Variants in ASH1L observed in about 807,000 individuals in gnomAD.
The protein encoded by ASH1L is histone-lysine N-methyltransferase ASH1L.
A neutral mutation model predicts 269.0 loss-of-function variants in ASH1L; 23 were observed. The observed-to-expected ratio is 0.09, with a 90% CI of 0.06 to 0.12. The LOEUF is 0.12. Among genes scored for constraint, ASH1L ranks in the 10% least tolerant of loss-of-function variants. The probability of loss-of-function intolerance (pLI) is 1.00; values close to 1 mark genes in which losing one functional copy is unlikely to be tolerated. For synonymous variants in ASH1L, 1,187 were observed against 1,253.5 expected (o/e 0.95, Z 1.12); for missense variants, 2,912 against 3,567.8 (o/e 0.82, Z 4.68).
Position 155,445,340 on chromosome 1 carries a change from T to C in ASH1L, c.5087-6272A>G, listed in dbSNP as rs1662926940. Among the ~76,000 whole-genome samples, 4 of 152,042 alleles carry C rather than the reference T, an allele frequency of 2.6e-5. 1 individual carries two copies. The South Asian group carries it at 8.3e-4, about 32-fold the overall frequency. On this transcript the variant is annotated intron_variant, in intron 4 of 27. Transcript: ENST00000392403. ...CTGGGATTACATGCACCCACCACCA[T>C]GCCCAGCTAATGTTTTGTATTTTTA...
intron 5 of ASH1L, among the ~76,000 whole-genome samples, chr1:155,423,336 G>A (rs991961639): frequency 6.6e-6 from 1 of 151,246 alleles, no homozygotes; most frequent in Non-Finnish European, 1.5e-5. Context: ...ATCCCAGCAC[G>A]TTGGGAGGCC....
At chr1:155,393,330 ATTAG>A (rs1558059121) in intron 7 of ASH1L, among the ~76,000 whole-genome samples, 1 of 152,168 alleles carries the variant, frequency 6.6e-6, no homozygotes, top group Non-Finnish European at 1.5e-5. Context: ...AGAAAAGGAG[ATTAG>A]TTAATCAGAA....
chr1:155,474,211 T>C (rs1226083990), intron 3 of ASH1L, among the ~76,000 whole-genome samples: 2 of 152,172 alleles, frequency 1.3e-5, no homozygotes, highest in African/African-American at 4.8e-5. Flanking sequence ...CACAGGTTTT[T>C]GAGAGTCTGT....
chr1:155,383,329 C>T (rs548645565), intron 7 of ASH1L, among the ~76,000 whole-genome samples: 56 of 152,292 alleles, frequency 3.7e-4, no homozygotes, highest in African/African-American at 1.3e-3. Flanking sequence ...ATTCACTCTC[C>T]ACTCAATCAC....
rs1385570264 is a variant in ASH1L, at chr1:155,521,369, T to C, written c.151A>G (p.Lys51Glu). ...TCGATGTTTCTTTCTCGATTCCGTT[T>C]GCGAAGGTCCTCTTCCTCCTTTGTG... ...KNTKEEEDLR[K>E]RNRERNIEAG... is the part of the protein sequence containing the mutation. Residue 51 changes from lysine (K) to glutamate (E), a missense_variant, in exon 2 of 28, where the codon AAA becomes GAA. Physicochemically the swap from Lys to Glu is moderately conservative, Grantham distance 56. Around this residue, in one of 13 missense-constraint regions of ASH1L, gnomAD observed 115 missense variants for 101.5 expected, o/e 1.13. Coordinates refer to ENST00000392403, the MANE Select transcript of ASH1L (RefSeq NM_018489.3). The C allele has an allele frequency of 1.2e-6, 2 of 1,614,210 alleles. No individual in the cohort carries two copies. Among genetic ancestry groups the C allele is most frequent in the Non-Finnish European group, 1.7e-6 (2 of 1,180,040 alleles).
chr1:155,458,031 G>T (rs1011010576), intron 4 of ASH1L, among the ~76,000 whole-genome samples: 1 of 152,082 alleles, frequency 6.6e-6, no homozygotes, highest in Non-Finnish European at 1.5e-5. Flanking sequence ...TAGCTTGAGG[G>T]CTACACAAAA....
At chr1:155,411,586 A>ATATTATATATAT (rs1558075618) in intron 6 of ASH1L, among the ~76,000 whole-genome samples, 1 of 55,192 alleles carries the variant, frequency 1.8e-5, no homozygotes, top group Non-Finnish European at 3.2e-5. Context: ...TAAATAAATA[A>ATATTATATATAT]ATATATATAT....
intron 7 of ASH1L, among the ~76,000 whole-genome samples, chr1:155,390,706 C>T (rs186660910): frequency 7.4e-4 from 102 of 138,084 alleles, no homozygotes; most frequent in Non-Finnish European, 1.2e-3. Flanking sequence ...AGTGCAGTGG[C>T]GTGATCTCGG....
At chr1:155,383,365 C>T (rs1200495454) in intron 7 of ASH1L, among the ~76,000 whole-genome samples, 2 of 152,178 alleles carry the variant, frequency 1.3e-5, no homozygotes, top group Admixed American at 1.3e-4. Flanking sequence ...AACTTACAAT[C>T]CTGTAAGCTC....
chr1:155,475,650 A>G (rs1665482215), intron 3 of ASH1L, among the ~76,000 whole-genome samples: 1 of 152,218 alleles, frequency 6.6e-6, no homozygotes, highest in Non-Finnish European at 1.5e-5. Context: ...ATGAGGTCAG[A>G]TATCAGGCAT....
At chr1:155,513,787 G>A (rs1414496528) in intron 2 of ASH1L, among the ~76,000 whole-genome samples, 1 of 152,090 alleles carries the variant, frequency 6.6e-6, no homozygotes. Flanking sequence ...GCCATCCATA[G>A]ATGGACTAGA....
intron 24 of ASH1L, among the ~76,000 whole-genome samples, chr1:155,342,571 T>C (rs1311227059): frequency 6.6e-6 from 1 of 152,236 alleles, no homozygotes; most frequent in Non-Finnish European, 1.5e-5. Context: ...GCTATGATTC[T>C]GAGAGAACAG....
At chr1:155,433,327 G>T in intron 5 of ASH1L, 1 of 1,586,384 alleles carries the variant, frequency 6.3e-7, no homozygotes. Flanking sequence ...GAATCGGGCC[G>T]GGAGTTGGGT....
At chr1:155,443,711 C>T (rs1452718048) in intron 4 of ASH1L, among the ~76,000 whole-genome samples, 4 of 152,142 alleles carry the variant, frequency 2.6e-5, no homozygotes, top group African/African-American at 7.2e-5. Context: ...TTTTATTGTA[C>T]GGCTTCATTC....
At chr1:155,544,746 T>G in intron 1 of ASH1L, among the ~76,000 whole-genome samples, 1 of 152,174 alleles carries the variant, frequency 6.6e-6, no homozygotes, top group Middle Eastern at 3.4e-3. Flanking sequence ...GAAAAAGGAT[T>G]AATATATCTT....
intron 7 of ASH1L, among the ~76,000 whole-genome samples, chr1:155,389,983 A>T (rs999487147): frequency 2.7e-5 from 4 of 145,700 alleles, no homozygotes; most frequent in Non-Finnish European, 5.9e-5. Flanking sequence ...CCTGATCATT[A>T]TGATGACTCT....
At chr1:155,483,281 AT>A in intron 2 of ASH1L, among the ~76,000 whole-genome samples, 1 of 152,320 alleles carries the variant, frequency 6.6e-6, no homozygotes, top group Admixed American at 6.5e-5. Context: ...CCCTAAGCAA[AT>A]TTATAAATTT....
At chr1:155,340,644 T>C (rs1308664647) in intron 25 of ASH1L, among the ~76,000 whole-genome samples, 1 of 152,084 alleles carries the variant, frequency 6.6e-6, no homozygotes. Context: ...AAACGTATAA[T>C]TGGCACACGG....
In ASH1L at chr1:155,481,938, C is replaced by T; in HGVS notation, c.932G>A (p.Gly311Asp). ...NKDSVKKLGT[G>D]TTAVFINKNL... ...TTTATTAATGAATACCGCTGTAGTG[C>T]CAGTTCCCAGTTTTTTCACAGAGTC... Residue 311 changes from glycine to aspartate, a missense_variant, in exon 3 of 28, where the codon GGC becomes GAC. Around this residue, in one of 13 missense-constraint regions of ASH1L, gnomAD observed 277 missense variants for 367.7 expected, o/e 0.75. Coordinates refer to ENST00000392403, the MANE Select transcript of ASH1L (RefSeq NM_018489.3). The T allele has an allele frequency of 6.2e-7, 1 of 1,614,186 alleles. No individual in the cohort carries two copies. The highest frequency in any genetic ancestry group is 8.5e-7 in the Non-Finnish European group (1 of 1,180,032).
Sources: gnomAD v4.1 joint callset for allele counts (sites outside exome capture counted in the v4.1 genomes callset) on GRCh38, gnomAD v4.1.1 for gene constraint, gnomAD v4.1.1 regional missense constraint, MANE v1.5 for transcripts, NCBI Gene and HGNC (gene_info 2026-07-23, HGNC 2026-07-21) for gene names.